The following GRID2 variants were observed in gnomAD, a reference collection of about 807,000 sequenced individuals.
GRID2 encodes the protein glutamate ionotropic receptor delta type subunit 2.
In GRID2, 33 loss-of-function variants were observed where a neutral mutation model predicts 114.8. The ratio of observed to expected loss-of-function variants is 0.29; its 90% confidence interval spans 0.22 to 0.38. The LOEUF (loss-of-function observed/expected upper bound fraction) is 0.38, where lower values mean the gene tolerates loss of function less well. Among genes scored for constraint, GRID2 ranks in the 10% least tolerant of loss-of-function variants. The pLI is 1.00. For synonymous variants in GRID2, 505 were observed against 449.9 expected, an observed-to-expected ratio of 1.12 and a Z score of -1.55; for missense variants, 1,184 against 1,257.7, an observed-to-expected ratio of 0.94 and a Z score of 0.89.
intron 2 of GRID2, among the ~76,000 whole-genome samples, chr4:92,665,469 A>C (rs1191254091): frequency 6.6e-6 from 1 of 151,228 alleles, no homozygotes; most frequent in Non-Finnish European, 1.5e-5. Context: ...TATAAACCAA[A>C]GTTACAATAA....
chr4:93,778,512 T>C (rs1193846275), downstream of GRID2, among the ~76,000 whole-genome samples: 3 of 148,504 alleles, frequency 2.0e-5, no homozygotes, highest in South Asian at 4.4e-4. Flanking sequence ...TTCTCGTGCC[T>C]CAGCCTCCCA....
rs575814881 is a variant in GRID2, at chr4:93,797,943, A to G, written c.222-8772A>G. Among the ~76,000 whole-genome samples, 12 of 151,960 alleles carry G rather than the reference A, an allele frequency of 7.9e-5. No homozygotes were observed. In the South Asian group the frequency reaches 2.5e-3, roughly 32 times the overall value. On this transcript the variant is annotated intron_variant, in intron 1 of 1. Coordinates refer to the GRID2 transcript ENST00000637838. ...CGAGCCAGGTGGATCACCTGAGGTCAGGAGTTCCAGACCAGCCTGACCAAC... is the reference window on the plus strand; with the variant it reads ...CGAGCCAGGTGGATCACCTGAGGTCGGGAGTTCCAGACCAGCCTGACCAAC...
chr4:92,888,730 A>AT lies in GRID2; in HGVS notation c.245-196259dup, dbSNP rs1309084747. The stretch of plus-strand genomic sequence containing the variant: ...TTCTCATGAAATTTTAATCATTTGC[A>AT]TTTTTTAGCTTCAAACATTTTTATA... On this transcript the variant is annotated intron_variant, in intron 2 of 15. Transcript: ENST00000282020. Among the ~76,000 whole-genome samples the AT allele has an allele frequency of 2.6e-5, 4 of 151,820 alleles. No homozygotes were observed. The East Asian group carries it at 7.7e-4, about 29-fold the overall frequency.
intron 1 of GRID2, among the ~76,000 whole-genome samples, chr4:92,570,609 T>G (rs189735053): frequency 6.6e-6 from 1 of 152,254 alleles, no homozygotes; most frequent in African/African-American, 2.4e-5. Flanking sequence ...TTTCCATTTG[T>G]TTGTGTCATT....
At chr4:92,504,816 T>G (rs1723870563) in intron 1 of GRID2, among the ~76,000 whole-genome samples, 1 of 152,070 alleles carries the variant, frequency 6.6e-6, no homozygotes, top group African/African-American at 2.4e-5. Flanking sequence ...TTTATTTTGT[T>G]ATCAAAGAGA....
chr4:92,448,800 T>TAAA (rs1208166828), intron 1 of GRID2, among the ~76,000 whole-genome samples: 75 of 152,266 alleles, frequency 4.9e-4, no homozygotes, highest in African/African-American at 1.7e-3. Flanking sequence ...TTAAATATTT[T>TAAA]ATTAAAACAT....
chr4:93,401,108 C>T (rs1216246196), intron 9 of GRID2, among the ~76,000 whole-genome samples: 1 of 152,098 alleles, frequency 6.6e-6, no homozygotes, highest in South Asian at 2.1e-4. Flanking sequence ...GTATGAGCCA[C>T]CGCACCCATC....
At chr4:93,322,535 G>A (rs1757348045) in intron 8 of GRID2, among the ~76,000 whole-genome samples, 2 of 152,160 alleles carry the variant, frequency 1.3e-5, no homozygotes, top group South Asian at 4.1e-4. Context: ...ATAGCAGCAT[G>A]ATTTATAATC....
chr4:93,262,025 A>C (rs1019345308), intron 8 of GRID2, among the ~76,000 whole-genome samples: 1 of 151,578 alleles, frequency 6.6e-6, no homozygotes. Context: ...GGCTTCTTCC[A>C]CAAAGGGTTT....
chr4:92,994,192 C>T lies in GRID2; in HGVS notation c.245-90803C>T, dbSNP rs114910472. 1.7e-3 allele frequency among the ~76,000 whole-genome samples: 265 copies of T among 152,254 alleles called. 1 individual carries two copies. Among genetic ancestry groups the T allele is most frequent in the Admixed American group, 4.7e-3 (72 of 15,304 alleles). On this transcript the variant is annotated intron_variant, in intron 2 of 15. Transcript: ENST00000282020. ...GAGGAAGGAAAAAAGCAAACTGAAA[C>T]ATAGCAATGAGGCCCAAAAGATGTA... is the stretch of plus-strand genomic sequence containing the variant.
At chr4:92,816,251 T>C (rs1340073716) in intron 2 of GRID2, among the ~76,000 whole-genome samples, 1 of 142,650 alleles carries the variant, frequency 7.0e-6, no homozygotes, top group African/African-American at 2.6e-5. Context: ...GGAGGCGGAG[T>C]ATGTGGTGAG....
intron 1 of GRID2, among the ~76,000 whole-genome samples, chr4:93,797,077 T>C (rs1397548683): frequency 6.6e-6 from 1 of 152,158 alleles, no homozygotes; most frequent in Non-Finnish European, 1.5e-5. Flanking sequence ...TGTTACTGAT[T>C]GAATGTTGAC....
At chr4:92,702,083 A>T (rs1412452544) in intron 2 of GRID2, among the ~76,000 whole-genome samples, 1 of 152,126 alleles carries the variant, frequency 6.6e-6, no homozygotes, top group Non-Finnish European at 1.5e-5. Flanking sequence ...TTGTTCAATG[A>T]TTAAAGTCCT....
chr4:93,296,827 T>A (rs936435899), intron 8 of GRID2, among the ~76,000 whole-genome samples: 1 of 152,340 alleles, frequency 6.6e-6, no homozygotes, highest in East Asian at 1.9e-4. Flanking sequence ...CAAGGGTAAG[T>A]CGTTGTTCTC....
chr4:92,663,344 G>T (rs1371955887), intron 2 of GRID2, among the ~76,000 whole-genome samples: 2 of 151,078 alleles, frequency 1.3e-5, no homozygotes, highest in African/African-American at 2.4e-5. Context: ...ATTGATGAAG[G>T]TCACAAGAAA....
At chr4:93,808,139 A>G (rs1443105641) in exon 2 of GRID2, 1 of 152,170 alleles carries the variant, frequency 6.6e-6, no homozygotes, top group Non-Finnish European at 1.5e-5. Flanking sequence ...TGACTTTCAA[A>G]CAAGTTAGGT....
At chr4:93,118,829 G>A (rs1383225978) in intron 4 of GRID2, among the ~76,000 whole-genome samples, 1 of 152,130 alleles carries the variant, frequency 6.6e-6, no homozygotes, top group Non-Finnish European at 1.5e-5. Context: ...ACAGAGAGAA[G>A]TTGAGGGGAG....
At chr4:92,752,538 A>G (rs1281760814) in intron 2 of GRID2, among the ~76,000 whole-genome samples, 2 of 152,184 alleles carry the variant, frequency 1.3e-5, no homozygotes, top group Non-Finnish European at 2.9e-5. Context: ...TCATGGGCGT[A>G]GAGAGATATG....
Position 92,628,203 on chromosome 4 carries a change from G to A in GRID2, c.244+37917G>A, listed in dbSNP as rs528578177. 3.3e-5 allele frequency among the ~76,000 whole-genome samples: 5 copies of A among 152,204 alleles called. No individual in the cohort carries two copies. In the East Asian group the frequency reaches 9.7e-4, roughly 29 times the overall value. On this transcript the variant is annotated intron_variant, in intron 2 of 15. Coordinates refer to ENST00000282020, the MANE Select transcript of GRID2 (RefSeq NM_001510.4). ...CAGCTCTCATTAGCCAGCAGGAGAA[G>A]GTGCCTGTTTCCTTCTGGTGTCCAT...
Sources: allele counts gnomAD v4.1 joint callset (sites outside exome capture counted in the v4.1 genomes callset), GRCh38; gene constraint gnomAD v4.1.1; transcripts MANE v1.5; gene names NCBI Gene and HGNC (gene_info 2026-07-23, HGNC 2026-07-21).